Variants in ARHGAP6 observed in about 807,000 individuals in gnomAD.
The protein encoded by ARHGAP6 is Rho GTPase activating protein 6.
In ARHGAP6, 16 loss-of-function variants were observed where a neutral mutation model predicts 55.7. That is an observed-to-expected ratio of 0.29 (90% CI 0.19 to 0.44). The LOEUF is 0.44. Ranked by LOEUF, ARHGAP6 falls within the 20% of genes least tolerant of loss-of-function variation. The pLI is 1.00. For missense variants in ARHGAP6, 698 were observed against 808.9 expected (o/e 0.86, Z 1.66); for synonymous variants, 382 against 360.9 (o/e 1.06, Z -0.66).
At chrX:11,622,804 T>A (rs756295070) in intron 1 of ARHGAP6, among the ~76,000 whole-genome samples, 102 of 111,907 alleles carry the variant, frequency 9.1e-4, no homozygotes, top group Non-Finnish European at 1.4e-3. Context: ...GAAATTTTGC[T>A]GTTTCCAAGA....
At chrX:11,209,469 C>A (rs1230455110) in intron 2 of ARHGAP6, among the ~76,000 whole-genome samples, 11 of 112,292 alleles carry the variant, frequency 9.8e-5, no homozygotes, top group Non-Finnish European at 2.1e-4. Context: ...TCTGACTGCA[C>A]TGCTGAATTC....
At chrX:11,254,402 G>C in intron 2 of ARHGAP6, 146 bp downstream of exon 2, 2 of 746,055 alleles carry the variant, frequency 2.7e-6, no homozygotes, top group Admixed American at 3.4e-5. Flanking sequence ...CCTTCAAATG[G>C]ACACTAATGC....
intron 1 of ARHGAP6, among the ~76,000 whole-genome samples, chrX:11,596,875 TA>T (rs1181333562): frequency 3.6e-5 from 4 of 112,198 alleles, no homozygotes; most frequent in African/African-American, 1.3e-4. Flanking sequence ...AGCATGTAAT[TA>T]TTTTTTGTTA....
chrX:11,269,140 G>A, intron 1 of ARHGAP6, among the ~76,000 whole-genome samples: 1 of 111,434 alleles, frequency 9.0e-6, no homozygotes, highest in East Asian at 2.8e-4. Context: ...ATTTGGGGAT[G>A]TATCTGATAT....
chrX:11,272,230 A>G (rs1320476456), intron 1 of ARHGAP6, among the ~76,000 whole-genome samples: 1 of 111,814 alleles, frequency 8.9e-6, no homozygotes, highest in African/African-American at 3.2e-5. Context: ...ACAGGTGGAT[A>G]GTGGCTACTG....
At position 11,196,990 on chromosome X, in the gene ARHGAP6, T is replaced by C. The variant is rs745694459; in HGVS notation, c.755A>G (p.Gln252Arg). 29 of 996,851 alleles carry C rather than the reference T, an allele frequency of 2.9e-5. 1 individual carries two copies. The Admixed American group carries it at 5.6e-4, about 19-fold the overall frequency. 82.2% of individuals were successfully genotyped at this position (996,851 alleles called of 1,213,427 possible). A position where few individuals can be genotyped will look rare whatever the true frequency, so the allele number is the denominator to read the frequency against. The change falls in exon 3 of 13, where the codon CAA (glutamine) becomes CGA (arginine). Residue 252 changes from glutamine (Q) to arginine (R), a missense_variant. Gln to Arg is a conservative substitution (Grantham distance 43). Coordinates refer to ENST00000337414, the MANE Select transcript of ARHGAP6 (RefSeq NM_013427.3). ...SCQITIPKDGQKRKKSLRKKL... is the reference protein window; with the variant it reads ...SCQITIPKDGRKRKKSLRKKL... ...CTTTCTTAAAGATTTCTTTCTCTTT[T>C]GTCCATCTGTAAATATTAAAAGGAG...
chrX:11,209,832 A>C (rs2046764243), intron 2 of ARHGAP6, among the ~76,000 whole-genome samples: 1 of 112,190 alleles, frequency 8.9e-6, no homozygotes, highest in Admixed American at 9.5e-5. Context: ...AGCAACAAGA[A>C]GAAAGGCCTT....
intron 1 of ARHGAP6, among the ~76,000 whole-genome samples, chrX:11,442,256 C>A (rs2050046881): frequency 9.1e-6 from 1 of 109,751 alleles, no homozygotes; most frequent in Non-Finnish European, 1.9e-5. Flanking sequence ...AATATGTCAG[C>A]CAAAAAATAT....
rs1385126405 is a variant in ARHGAP6, at chrX:11,664,596, C to A, written c.233G>T (p.Arg78Leu). The A allele has an allele frequency of 1.7e-6, 2 of 1,174,720 alleles. No individual in the cohort carries two copies. Among genetic ancestry groups the A allele is most frequent in the Non-Finnish European group, 2.3e-6 (2 of 876,861 alleles). The change falls in exon 1 of 13, where the codon CGC becomes CTC. Residue 78 changes from arginine to leucine, a missense_variant. This residue lies in a region of ARHGAP6 where 164 missense variants were observed against 149.2 expected (regional missense o/e 1.10). Transcript: ENST00000337414. The stretch of plus-strand genomic sequence containing the variant: ...CGGACCCCGGGAAGAGGACGCCAAG[C>A]GAGGGCCGAGACTCTCGGCTGGGAG... ...PSLPAESLGP[R>L]LASSSRGPPP...
intron 1 of ARHGAP6, among the ~76,000 whole-genome samples, chrX:11,430,533 C>CA (rs1419019427): frequency 1.8e-5 from 2 of 111,981 alleles, no homozygotes; most frequent in Non-Finnish European, 3.8e-5. Context: ...CAGAAAGGAT[C>CA]TAGAAGATCA....
intron 1 of ARHGAP6, among the ~76,000 whole-genome samples, chrX:11,418,265 G>A (rs1242851800): frequency 8.9e-6 from 1 of 112,145 alleles, no homozygotes; most frequent in Non-Finnish European, 1.9e-5. Context: ...TGCAGTCCAG[G>A]TTGAAATGAG....
chrX:11,486,929 A>G (rs751626053), intron 1 of ARHGAP6, among the ~76,000 whole-genome samples: 4 of 111,803 alleles, frequency 3.6e-5, no homozygotes, highest in Admixed American at 9.5e-5. Context: ...AAGGTGAGCA[A>G]AGCATCCGTG....
intron 1 of ARHGAP6, among the ~76,000 whole-genome samples, chrX:11,386,776 A>C (rs1460350522): frequency 8.9e-6 from 1 of 112,500 alleles, no homozygotes; most frequent in Non-Finnish European, 1.9e-5. Context: ...CACAAAGAAA[A>C]GAAAGAAAAT....
chrX:11,479,040 C>T (rs946177983), intron 1 of ARHGAP6, among the ~76,000 whole-genome samples: 1 of 112,270 alleles, frequency 8.9e-6, no homozygotes, highest in Admixed American at 9.5e-5. Context: ...AAATGGCAAT[C>T]TGGCCATGAC....
At chrX:11,552,235 C>G (rs943108104) in intron 1 of ARHGAP6, among the ~76,000 whole-genome samples, 1 of 109,440 alleles carries the variant, frequency 9.1e-6, no homozygotes, top group African/African-American at 3.3e-5. Flanking sequence ...TCACCTCACA[C>G]CTGTTAGAAT....
At chrX:11,344,678 C>CAAA (rs34123570) in intron 1 of ARHGAP6, among the ~76,000 whole-genome samples, 7 of 28,270 alleles carry the variant, frequency 2.5e-4, no homozygotes, top group African/African-American at 4.5e-4. Context: ...AACTCCATCA[C>CAAA]AAAAAAAAAA....
rs1336875486 is a variant in ARHGAP6, at chrX:11,463,811, A to G, written c.588+200430T>C. Among the ~76,000 whole-genome samples, 6 of 112,476 alleles carry G rather than the reference A, an allele frequency of 5.3e-5. No homozygotes were observed. The Admixed American group carries it at 5.6e-4, about 11-fold the overall frequency. On this transcript the variant is annotated intron_variant, in intron 1 of 12. Transcript: ENST00000337414. ...CAGCACCTCACTAAGCTAAACTATGAACCGCATTTAGTGTTCGAAGTCATA... is the reference window on the plus strand; with the variant it reads ...CAGCACCTCACTAAGCTAAACTATGGACCGCATTTAGTGTTCGAAGTCATA...
rs1260716237 is a variant in ARHGAP6 at position 11,169,506 on chromosome X, A to G, written c.1808T>C (p.Met603Thr). The change falls in exon 9 of 13, where the codon ATG becomes ACG. Residue 603 changes from methionine (M) to threonine (T), a missense_variant and splice_region_variant. By Grantham distance (81) the Met-to-Thr change is moderately conservative. Around this residue, in one of 3 missense-constraint regions of ARHGAP6, gnomAD observed 322 missense variants for 451.1 expected, o/e 0.71. Coordinates refer to ENST00000337414, the MANE Select transcript of ARHGAP6 (RefSeq NM_013427.3). Reference protein sequence around the residue: ...KMIENYEALFMVPPDLQNEVL... With the variant: ...KMIENYEALFTVPPDLQNEVL... ...TCCTGCCACAGAAGGGCCACCTACCATGAACAGGGCTTCATAATTTTCAAT... is the reference window on the plus strand; with the variant it reads ...TCCTGCCACAGAAGGGCCACCTACCGTGAACAGGGCTTCATAATTTTCAAT... The G allele has an allele frequency of 5.0e-6, 6 of 1,190,342 alleles. No individual in the cohort carries two copies. Among genetic ancestry groups the G allele is most frequent in the Non-Finnish European group, 6.8e-6 (6 of 884,608 alleles).
At chrX:11,603,348 T>A (rs1011265915) in intron 1 of ARHGAP6, among the ~76,000 whole-genome samples, 3 of 112,113 alleles carry the variant, frequency 2.7e-5, no homozygotes, top group Admixed American at 9.5e-5. Flanking sequence ...AATTTTTTTT[T>A]AAATTAACAG....
Sources: gnomAD v4.1 joint callset for allele counts (sites outside exome capture counted in the v4.1 genomes callset) on GRCh38, gnomAD v4.1.1 for gene constraint, gnomAD v4.1.1 regional missense constraint, MANE v1.5 for transcripts, NCBI Gene and HGNC (gene_info 2026-07-23, HGNC 2026-07-21) for gene names.